The following MGAT4C variants were observed in gnomAD, a reference collection of about 807,000 sequenced individuals.
MGAT4C encodes the protein MGAT4 family member C.
In MGAT4C, 19 loss-of-function variants were observed where a neutral mutation model predicts 40.1. The observed-to-expected ratio is 0.47, with a 90% CI of 0.33 to 0.70. The LOEUF (loss-of-function observed/expected upper bound fraction) is 0.70, where lower values mean the gene tolerates loss of function less well. Among genes scored for constraint, MGAT4C ranks in the 30% least tolerant of loss-of-function variants. The pLI, the probability that MGAT4C is intolerant of heterozygous loss-of-function variation, is 0.02. For missense variants in MGAT4C, 491 were observed against 563.2 expected (o/e 0.87, Z 1.30); for synonymous variants, 181 against 187.1 (o/e 0.97, Z 0.27).
chr12:86,693,074 AAG>A (rs1950198426), intron 2 of MGAT4C, among the ~76,000 whole-genome samples: 1 of 152,066 alleles, frequency 6.6e-6, no homozygotes, highest in Admixed American at 6.6e-5. Flanking sequence ...CCACCCTTGG[AAG>A]AGAGAGATAA....
chr12:86,252,677 A>C (rs963049293), intron 1 of MGAT4C, among the ~76,000 whole-genome samples: 2 of 151,730 alleles, frequency 1.3e-5, no homozygotes, highest in Non-Finnish European at 2.9e-5. Flanking sequence ...AACTACTATC[A>C]TTTGGGAGAT....
At chr12:86,497,052 A>G (rs1336506873) in intron 2 of MGAT4C, among the ~76,000 whole-genome samples, 1 of 152,068 alleles carries the variant, frequency 6.6e-6, no homozygotes, top group African/African-American at 2.4e-5. Context: ...CACATAATAC[A>G]TAGCTTTTTC....
intron 3 of MGAT4C, among the ~76,000 whole-genome samples, chr12:86,346,099 T>C (rs1042433765): frequency 6.6e-6 from 1 of 152,248 alleles, no homozygotes; most frequent in Non-Finnish European, 1.5e-5. Context: ...ATTTAAATGC[T>C]ATTTATATAA....
At chr12:86,252,687 T>G (rs530705920) in intron 1 of MGAT4C, among the ~76,000 whole-genome samples, 2 of 151,394 alleles carry the variant, frequency 1.3e-5, no homozygotes, top group Admixed American at 6.6e-5. Flanking sequence ...ATTTGGGAGA[T>G]ATTAAGTTTT....
intron 2 of MGAT4C, among the ~76,000 whole-genome samples, chr12:86,527,946 A>G (rs1319986422): frequency 2.6e-5 from 4 of 152,188 alleles, no homozygotes; most frequent in Non-Finnish European, 5.9e-5. Context: ...ATGAAGAAAA[A>G]AATGTAAATG....
chr12:86,095,311 C>T (rs1220992318), intron 1 of MGAT4C, among the ~76,000 whole-genome samples: 2 of 151,886 alleles, frequency 1.3e-5, no homozygotes, highest in African/African-American at 4.8e-5. Flanking sequence ...TTAATACAGT[C>T]CAATTAATAT....
chr12:86,691,186 C>A (rs1950167171), intron 2 of MGAT4C, among the ~76,000 whole-genome samples: 1 of 152,088 alleles, frequency 6.6e-6, no homozygotes, highest in South Asian at 2.1e-4. Context: ...TGTTTTGGAA[C>A]AATTATCTTG....
At chr12:86,275,944 CAAAAAAAAAAAA>C (rs748476574) in intron 4 of MGAT4C, among the ~76,000 whole-genome samples, 44 of 69,190 alleles carry the variant, frequency 6.4e-4, no homozygotes, top group South Asian at 7.1e-4. Flanking sequence ...ACTAAAAATC[CAAAAAAAAAAAA>C]AAAAAAAAAA....
chr12:86,781,469 C>T (rs1455988280), intron 1 of MGAT4C, among the ~76,000 whole-genome samples: 3 of 151,596 alleles, frequency 2.0e-5, no homozygotes, highest in Admixed American at 2.0e-4. Flanking sequence ...AAAACCACAT[C>T]TCTTTTTAAC....
intron 1 of MGAT4C, among the ~76,000 whole-genome samples, chr12:86,783,320 TATGA>T (rs1473738845): frequency 6.6e-6 from 1 of 152,182 alleles, no homozygotes; most frequent in Admixed American, 6.5e-5. Flanking sequence ...TACTTATTAG[TATGA>T]ATGTCATATA....
chr12:86,179,823 A>C (rs1887909035), intron 1 of MGAT4C, among the ~76,000 whole-genome samples: 1 of 152,260 alleles, frequency 6.6e-6, no homozygotes, highest in African/African-American at 2.4e-5. Flanking sequence ...ATAAAATTTC[A>C]GAAAATTTGC....
At chr12:86,380,922 A>G (rs1955916057) in intron 3 of MGAT4C, among the ~76,000 whole-genome samples, 1 of 152,184 alleles carries the variant, frequency 6.6e-6, no homozygotes, top group East Asian at 1.9e-4. Flanking sequence ...CTCTTTTGAA[A>G]GGGAATTTCT....
At chr12:86,462,837 C>T (rs1012837344) in intron 2 of MGAT4C, among the ~76,000 whole-genome samples, 2 of 152,132 alleles carry the variant, frequency 1.3e-5, no homozygotes, top group Non-Finnish European at 2.9e-5. Flanking sequence ...CTGCTTTATT[C>T]CAGCTGCGCT....
chr12:86,685,416 C>G (rs975956732), intron 2 of MGAT4C, among the ~76,000 whole-genome samples: 3 of 152,112 alleles, frequency 2.0e-5, no homozygotes, highest in African/African-American at 7.2e-5. Context: ...GGTACCAGTG[C>G]CATGCTATTT....
intron 3 of MGAT4C, among the ~76,000 whole-genome samples, chr12:86,350,325 GTT>G (rs1316868500): frequency 1.3e-5 from 2 of 152,044 alleles, no homozygotes; most frequent in Admixed American, 1.3e-4. Context: ...ACCTTAATGG[GTT>G]TCTTTTGCTA....
chr12:86,481,326 T>G (rs1013903761), intron 2 of MGAT4C, among the ~76,000 whole-genome samples: 3 of 152,012 alleles, frequency 2.0e-5, no homozygotes, highest in African/African-American at 7.2e-5. Flanking sequence ...CAAAGATTTT[T>G]TTAAAGTTAC....
intron 2 of MGAT4C, among the ~76,000 whole-genome samples, chr12:86,521,793 T>C (rs1958799417): frequency 6.6e-6 from 1 of 152,102 alleles, no homozygotes. Context: ...CAGTGTTTTG[T>C]AGTTCTCCAT....
chr12:86,709,801 C>A (rs1039462561), intron 2 of MGAT4C, among the ~76,000 whole-genome samples: 1 of 152,136 alleles, frequency 6.6e-6, no homozygotes, highest in South Asian at 2.1e-4. Context: ...TATAATCACC[C>A]TGAAGAGATA....
chr12:86,688,165 T>A (rs1950109061), intron 2 of MGAT4C, among the ~76,000 whole-genome samples: 2 of 143,872 alleles, frequency 1.4e-5, no homozygotes, highest in Non-Finnish European at 3.0e-5. Context: ...TGCTTTTTTT[T>A]TTTTTTTTTT....
Sources: gnomAD v4.1 joint callset for allele counts (sites outside exome capture counted in the v4.1 genomes callset) on GRCh38, gnomAD v4.1.1 for gene constraint, MANE v1.5 for transcripts, NCBI Gene and HGNC (gene_info 2026-07-23, HGNC 2026-07-21) for gene names.